Variants in CRISP1 observed in about 807,000 individuals in gnomAD.
CRISP1 encodes cysteine rich secretory protein 1.
Under a neutral mutation model 33.1 loss-of-function variants are expected in CRISP1, and 44 were observed. The ratio of observed to expected loss-of-function variants is 1.33; its 90% CI spans 1.05 to 1.71. The LOEUF is 1.71. CRISP1 is among the 40% of genes most tolerant of loss of function. CRISP1 has a pLI of 0.00. For synonymous variants in CRISP1, 103 were observed against 98.7 expected (o/e 1.04, Z -0.26); for missense variants, 390 against 301.2 (o/e 1.29, Z -2.18).
chr6:49,845,326 AT>A (rs1412415994), intron 5 of CRISP1, among the ~76,000 whole-genome samples: 2 of 152,146 alleles, frequency 1.3e-5, no homozygotes, highest in African/African-American at 2.4e-5. Flanking sequence ...ATGTTAGGAC[AT>A]TGTGAGAAGG....
chr6:49,838,347 G>C (rs1770871398), intron 7 of CRISP1, 90 bp downstream of exon 7: 1 of 916,736 alleles, frequency 1.1e-6, no homozygotes, highest in East Asian at 2.5e-5. Flanking sequence ...TTGTAGAAAA[G>C]TGCGATGTTT....
At chr6:49,849,997 A>G (rs1362519997) in intron 3 of CRISP1, among the ~76,000 whole-genome samples, 2 of 151,108 alleles carry the variant, frequency 1.3e-5, no homozygotes, top group African/African-American at 4.9e-5. Context: ...CACTACTAAG[A>G]ACAAAAAACC....
At position 49,846,581 on chromosome 6, in the gene CRISP1, C is replaced by A. The variant is rs147586663; in HGVS notation, c.374G>T (p.Ser125Ile). Reference protein sequence around the residue: ...VIGVWYSESTSFKHGEWTTTD... With the variant: ...VIGVWYSESTIFKHGEWTTTD... ...TGTTGTCCATTCTCCATGTTTGAAA[C>A]TTGTAGACTCACTGTACCAGACTCC... Residue 125 changes from serine to isoleucine, a missense_variant, in exon 5 of 8, where the codon AGT (serine) becomes ATT (isoleucine). By Grantham distance (142) the Ser-to-Ile change is moderately radical (BLOSUM62 -2). Coordinates refer to ENST00000335847, the MANE Select transcript of CRISP1 (RefSeq NM_001131.3). The A allele has an allele frequency of 8.1e-6, 13 of 1,613,604 alleles. No homozygotes were observed. The highest frequency in any genetic ancestry group is 1.3e-5 in the African/African-American group (1 of 74,996).
intron 5 of CRISP1, among the ~76,000 whole-genome samples, chr6:49,842,151 C>T (rs112995744): frequency 3.2e-4 from 48 of 152,246 alleles, no homozygotes; most frequent in African/African-American, 9.1e-4. Context: ...TAATTATCTG[C>T]GGCTAACCTA....
intron 1 of CRISP1, among the ~76,000 whole-genome samples, chr6:49,875,493 A>T (rs1329032244): frequency 6.6e-6 from 1 of 152,162 alleles, no homozygotes; most frequent in Admixed American, 6.6e-5. Flanking sequence ...TTATAGAGTC[A>T]ATGCTATTCC....
chr6:49,873,694 T>C (rs916519764), intron 1 of CRISP1, among the ~76,000 whole-genome samples: 14 of 152,100 alleles, frequency 9.2e-5, no homozygotes, highest in African/African-American at 3.4e-4. Flanking sequence ...AGATTATGTA[T>C]TGCTTATATT....
upstream of CRISP1, among the ~76,000 whole-genome samples, chr6:49,869,904 A>G (rs1771884266): frequency 6.6e-6 from 1 of 152,178 alleles, no homozygotes; most frequent in South Asian, 2.1e-4. Flanking sequence ...TACTAAACCC[A>G]AACAAGGTTG....
At chr6:49,851,156 A>G (rs1771334305) in intron 3 of CRISP1, among the ~76,000 whole-genome samples, 1 of 152,212 alleles carries the variant, frequency 6.6e-6, no homozygotes, top group South Asian at 2.1e-4. Context: ...TAAAGTGATT[A>G]AGAGATAAAT....
intron 1 of CRISP1, among the ~76,000 whole-genome samples, chr6:49,858,136 T>C (rs970378692): frequency 6.6e-6 from 1 of 152,224 alleles, no homozygotes; most frequent in Non-Finnish European, 1.5e-5. Flanking sequence ...AACTTGCTAC[T>C]ACTAATTTAT....
chr6:49,839,721 TC>T (rs1770922008), intron 6 of CRISP1, among the ~76,000 whole-genome samples: 1 of 152,200 alleles, frequency 6.6e-6, no homozygotes, highest in Non-Finnish European at 1.5e-5. Flanking sequence ...TTTGTACTTT[TC>T]TTTTTTGGAT....
At chr6:49,870,997 A>T (rs13207580), upstream of CRISP1, among the ~76,000 whole-genome samples, 28,657 of 152,068 alleles carry the variant, frequency 0.19, 3,471 homozygotes, top group Non-Finnish European at 0.26. Context: ...GCTACTCAGG[A>T]GGCTGAGGCA....
chr6:49,841,395 G>A (rs1050443909), intron 5 of CRISP1, among the ~76,000 whole-genome samples: 10 of 152,184 alleles, frequency 6.6e-5, no homozygotes, highest in African/African-American at 1.2e-4. Context: ...AAAAGGTAGC[G>A]TTGATCATTT....
intron 3 of CRISP1, among the ~76,000 whole-genome samples, chr6:49,849,464 G>C (rs556763121): frequency 2.6e-5 from 4 of 152,214 alleles, no homozygotes; most frequent in Admixed American, 6.5e-5. Flanking sequence ...TGACAGTCAG[G>C]CTGACATCAC....
At chr6:49,856,992 A>G (rs1771513386) in intron 2 of CRISP1, among the ~76,000 whole-genome samples, 1 of 152,192 alleles carries the variant, frequency 6.6e-6, no homozygotes, top group South Asian at 2.1e-4. Flanking sequence ...GTAAAAAATT[A>G]TATAGCTAAT....
intron 2 of CRISP1, among the ~76,000 whole-genome samples, chr6:49,852,809 G>T (rs1451321412): frequency 6.6e-6 from 1 of 151,382 alleles, no homozygotes; most frequent in African/African-American, 2.4e-5. Context: ...CATGACCAAA[G>T]TATTTAGGTT....
intron 1 of CRISP1, among the ~76,000 whole-genome samples, chr6:49,862,482 A>G (rs1286400723): frequency 6.6e-6 from 1 of 152,058 alleles, no homozygotes; most frequent in Non-Finnish European, 1.5e-5. Context: ...GAAAAAATTC[A>G]TTGTTTTATG....
chr6:49,868,065 G>T (rs1281524334), upstream of CRISP1, among the ~76,000 whole-genome samples: 1 of 152,218 alleles, frequency 6.6e-6, no homozygotes, highest in African/African-American at 2.4e-5. Flanking sequence ...TTTATCTGTT[G>T]GTCCTGGCAA....
Position 49,841,008 on chromosome 6 carries a change from AG to A in CRISP1, c.436-14del. On this transcript the variant is annotated splice_polypyrimidine_tract_variant and intron_variant, in intron 5 of 7. Coordinates refer to ENST00000335847, the MANE Select transcript of CRISP1 (RefSeq NM_001131.3). ...TGGCCCAAACAATCTGCAATGATAAAGAGTTGTTTTATTACAGATTAAATAT... is the reference window on the plus strand; with the variant it reads ...TGGCCCAAACAATCTGCAATGATAAAAGTTGTTTTATTACAGATTAAATAT... The A allele has an allele frequency of 6.2e-7, 1 of 1,603,174 alleles. No individual in the cohort carries two copies. The highest frequency in any genetic ancestry group is 2.2e-5 in the East Asian group (1 of 44,780).
chr6:49,846,842 C>T (rs1424875742), intron 4 of CRISP1, among the ~76,000 whole-genome samples, 174 bp from the exon 5 acceptor site: 1 of 152,020 alleles, frequency 6.6e-6, no homozygotes, highest in South Asian at 2.1e-4. Context: ...GATGAATGAG[C>T]ATGTGGTACT....
Sources: gnomAD v4.1 joint callset for allele counts (sites outside exome capture counted in the v4.1 genomes callset) on GRCh38, gnomAD v4.1.1 for gene constraint, MANE v1.5 for transcripts, NCBI Gene and HGNC (gene_info 2026-07-23, HGNC 2026-07-21) for gene names.